Variants in BCAS3 observed in about 807,000 individuals in gnomAD.
The protein encoded by BCAS3 is BCAS3 microtubule associated cell migration factor, also known as BCAS4/BCAS3 fusion.
BCAS3 carries 53 observed loss-of-function variants against 116.1 expected under a neutral mutation model. That is an observed-to-expected ratio of 0.46 (90% CI 0.37 to 0.57). The LOEUF (loss-of-function observed/expected upper bound fraction) is 0.57, where lower values mean the gene tolerates loss of function less well. BCAS3 is among the 20% of genes least tolerant of loss of function. The probability of loss-of-function intolerance (pLI) is 0.00; values close to 1 mark genes in which losing one functional copy is unlikely to be tolerated. For missense variants in BCAS3, 917 were observed against 1,165.4 expected (o/e 0.79, Z 3.10); for synonymous variants, 391 against 408.2 (o/e 0.96, Z 0.51).
chr17:60,911,845 C>T (rs903353986), intron 12 of BCAS3, among the ~76,000 whole-genome samples: 15 of 152,144 alleles, frequency 9.9e-5, no homozygotes, highest in African/African-American at 3.1e-4. Flanking sequence ...AAATTTATAA[C>T]AGATGTTTTC....
At chr17:61,040,474 C>T (rs1292102994) in intron 18 of BCAS3, among the ~76,000 whole-genome samples, 1 of 152,130 alleles carries the variant, frequency 6.6e-6, no homozygotes, top group Non-Finnish European at 1.5e-5. Context: ...TAAATTAGAA[C>T]TAGTTAGTTG....
chr17:60,737,647 T>G (rs2041111052), intron 5 of BCAS3, among the ~76,000 whole-genome samples: 1 of 152,090 alleles, frequency 6.6e-6, no homozygotes. Flanking sequence ...CTTTCTTCTT[T>G]GACCTATGTG....
At position 60,993,213 on chromosome 17, in the gene BCAS3, C is replaced by T. The variant is rs2063640830; in HGVS notation, c.1486+2978C>T. ...ATATTAAATGACTGTGAACAAATAC[C>T]TTTCAATATACTTTTGTTGAAGGTT... is the stretch of plus-strand genomic sequence containing the variant. On this transcript the variant is annotated intron_variant, in intron 15 of 23. Transcript: ENST00000407086. The surrounding 1 kb of genome is among the most constrained non-coding windows in gnomAD (Gnocchi z 4.2). 6.6e-6 allele frequency among the ~76,000 whole-genome samples: 1 copy of T among 152,116 alleles called. No homozygotes were observed. Among genetic ancestry groups the T allele is most frequent in the South Asian group, 2.1e-4 (1 of 4,836 alleles).
At chr17:60,684,485 G>A (rs1190548858) in intron 3 of BCAS3, among the ~76,000 whole-genome samples, 1 of 151,742 alleles carries the variant, frequency 6.6e-6, no homozygotes, top group Admixed American at 6.6e-5. Context: ...TACTCTAACT[G>A]ATAAAAGATT....
intron 22 of BCAS3, among the ~76,000 whole-genome samples, chr17:61,202,102 CA>C (rs2080868613): frequency 7.9e-6 from 1 of 126,068 alleles, no homozygotes. Context: ...ATGTGCCAGA[CA>C]CTATTCCAGG....
intron 19 of BCAS3, among the ~76,000 whole-genome samples, chr17:61,042,603 C>A (rs1417094882): frequency 6.6e-6 from 1 of 151,846 alleles, no homozygotes; most frequent in Non-Finnish European, 1.5e-5. Context: ...AAAGATCATT[C>A]TGGGCTGGGC....
chr17:61,223,625 A>G (rs1346554194), intron 22 of BCAS3, among the ~76,000 whole-genome samples: 1 of 152,192 alleles, frequency 6.6e-6, no homozygotes, highest in Non-Finnish European at 1.5e-5. Flanking sequence ...CTACCTGCCA[A>G]TAACTAGCTA....
intron 7 of BCAS3, among the ~76,000 whole-genome samples, chr17:60,815,618 T>G (rs2049308712): frequency 6.6e-6 from 1 of 152,140 alleles, no homozygotes. Context: ...TAATTTAAGT[T>G]AATGAGACTC....
rs2057337832 is a variant in BCAS3, at chr17:60,893,809, A to G, written c.738+4038A>G. ...TTTTTAGTAGAAATGGAGTTTTATCATGTTGGCCAGGCTGGTCTTGAACTC... is the reference window on the plus strand; with the variant it reads ...TTTTTAGTAGAAATGGAGTTTTATCGTGTTGGCCAGGCTGGTCTTGAACTC... On this transcript the variant is annotated intron_variant, in intron 10 of 23. Transcript: ENST00000407086. Among the ~76,000 whole-genome samples the G allele has an allele frequency of 2.0e-5, 3 of 151,798 alleles. No homozygotes were observed. The South Asian group carries it at 6.2e-4, about 31-fold the overall frequency.
At position 61,316,535 on chromosome 17, in the gene BCAS3, A is replaced by G. The variant is rs1202016988; in HGVS notation, c.2426-51792A>G. On this transcript the variant is annotated intron_variant, in intron 22 of 23. Transcript: ENST00000407086. This position sits in a 1 kb window ranked among gnomAD's most constrained non-coding sequence, Gnocchi z 5.8. The stretch of plus-strand genomic sequence containing the variant: ...CTCCACATGCCGCCGCGTCCCTTCC[A>G]CAGCTCCCCTGCAGTAGCACCCCTC... 6.6e-6 allele frequency among the ~76,000 whole-genome samples: 1 copy of G among 151,656 alleles called. No homozygotes were observed. Among genetic ancestry groups the G allele is most frequent in the African/African-American group, 2.4e-5 (1 of 41,234 alleles).
At position 60,994,430 on chromosome 17, in the gene BCAS3, T is replaced by C. The variant is rs981758550; in HGVS notation, c.1486+4195T>C. The stretch of plus-strand genomic sequence containing the variant: ...CTCAGGCTTCCCCAGACTGTCCAAA[T>C]AGTCTGTGATACAAAAATGGTTAAG... On this transcript the variant is annotated intron_variant, in intron 15 of 23. Coordinates refer to ENST00000407086, the MANE Select transcript of BCAS3 (RefSeq NM_017679.5). The surrounding 1 kb of genome is among the most constrained non-coding windows in gnomAD (Gnocchi z 4.4). Among the ~76,000 whole-genome samples, 1 of 152,158 alleles carries C rather than the reference T, an allele frequency of 6.6e-6. No individual in the cohort carries two copies. The highest frequency in any genetic ancestry group is 2.4e-5 in the African/African-American group (1 of 41,452).
chr17:60,799,708 CTTTTTTTTTTTTT>C (rs67510415), intron 6 of BCAS3, among the ~76,000 whole-genome samples: 4 of 49,838 alleles, frequency 8.0e-5, no homozygotes, highest in Admixed American at 3.2e-4. Context: ...TTTTTCTTTT[CTTTTTTTTTTTTT>C]TTTTTTTTTT....
intron 6 of BCAS3, among the ~76,000 whole-genome samples, chr17:60,776,700 T>C (rs1445553767): frequency 1.1e-4 from 14 of 124,652 alleles, no homozygotes; most frequent in South Asian, 4.9e-4. Flanking sequence ...GCCTGGGTGA[T>C]AGAGTGAGAC....
chr17:61,005,540 C>G (rs536391587), intron 15 of BCAS3, among the ~76,000 whole-genome samples: 17 of 152,068 alleles, frequency 1.1e-4, no homozygotes, highest in African/African-American at 3.6e-4. Context: ...TTGCTCTTTC[C>G]CATCTGAAGG....
rs145454422 is a variant in BCAS3, at chr17:61,169,917, C to T, written c.2425+85353C>T. Among the ~76,000 whole-genome samples the T allele has an allele frequency of 6.3e-3, 951 of 152,152 alleles. 9 individuals carry two copies. The highest frequency in any genetic ancestry group is 0.022 in the African/African-American group (904 of 41,494). ...TCGCCCAGGCTGTAGTGCAGTGATG[C>T]GATCTTGGCTCACTGCAACTTCCAC... On this transcript the variant is annotated intron_variant, in intron 22 of 23. Coordinates refer to ENST00000407086, the MANE Select transcript of BCAS3 (RefSeq NM_017679.5).
chr17:60,810,838 C>A, intron 7 of BCAS3: 1 of 698,666 alleles, frequency 1.4e-6, no homozygotes, highest in Non-Finnish European at 2.6e-6. Flanking sequence ...AAAAGTCCTA[C>A]AAGCCCAGAC....
At position 61,219,725 on chromosome 17, in the gene BCAS3, T is replaced by A. The variant is rs1352034420; in HGVS notation, c.2425+135161T>A. 6.6e-6 allele frequency among the ~76,000 whole-genome samples: 1 copy of A among 152,202 alleles called. No individual in the cohort carries two copies. The highest frequency in any genetic ancestry group is 1.5e-5 in the Non-Finnish European group (1 of 68,030). On this transcript the variant is annotated intron_variant, in intron 22 of 23. Transcript: ENST00000407086. This position sits in a 1 kb window ranked among gnomAD's most constrained non-coding sequence, Gnocchi z 5.2. ...CTGCTCTGGGCTGACATGCCCTCTT[T>A]TCTCATCCAGCTGCTGCTTGTTTAG...
In BCAS3 at chr17:61,233,814, T is replaced by A. The variant is rs2082834111; in HGVS notation, c.2426-134513T>A. ...TCTATAAAACAGATACAAGAGGAGA[T>A]GCTTTGGTTAATGGAGGGCACAGGG... On this transcript the variant is annotated intron_variant, in intron 22 of 23. Transcript: ENST00000407086. The surrounding 1 kb of genome is among the most constrained non-coding windows in gnomAD (Gnocchi z 4.3). 6.6e-6 allele frequency among the ~76,000 whole-genome samples: 1 copy of A among 152,172 alleles called. No homozygotes were observed. The highest frequency in any genetic ancestry group is 2.4e-5 in the African/African-American group (1 of 41,436).
rs773707526 is a variant in BCAS3, at chr17:61,204,896, A to T, written c.2425+120332A>T. Among the ~76,000 whole-genome samples the T allele has an allele frequency of 1.3e-5, 2 of 152,138 alleles. No individual in the cohort carries two copies. Among genetic ancestry groups the T allele is most frequent in the Non-Finnish European group, 2.9e-5 (2 of 68,026 alleles). On this transcript the variant is annotated intron_variant, in intron 22 of 23. Coordinates refer to ENST00000407086, the MANE Select transcript of BCAS3 (RefSeq NM_017679.5). This position sits in a 1 kb window ranked among gnomAD's most constrained non-coding sequence, Gnocchi z 4.2. The stretch of plus-strand genomic sequence containing the variant: ...GCAAAACACCTTCTCAACAAAAAAT[A>T]TAGAAATTAGCCTGGCGTGGCGGCA...
Sources: allele counts gnomAD v4.1 joint callset (sites outside exome capture counted in the v4.1 genomes callset), GRCh38; gene constraint gnomAD v4.1.1; non-coding constraint Gnocchi (gnomAD v3.1); transcripts MANE v1.5; gene names NCBI Gene and HGNC (gene_info 2026-07-23, HGNC 2026-07-21).